The following ADCY3 variants were observed in gnomAD, a reference collection of about 807,000 sequenced individuals.
ADCY3 encodes adenylate cyclase type 3.
In ADCY3, 70 loss-of-function variants were observed where a neutral mutation model predicts 119.4. The observed-to-expected ratio is 0.59, with a 90% CI of 0.48 to 0.72. The LOEUF is 0.72. ADCY3 is among the 30% of genes least tolerant of loss of function. ADCY3 has a pLI of 0.00. For missense variants in ADCY3, 1,238 were observed against 1,541.6 expected (o/e 0.80, Z 3.30); for synonymous variants, 672 against 621.4 (o/e 1.08, Z -1.21).
rs553387671 is a variant in ADCY3, at chr2:24,900,196, C to T, written c.675+18117G>A. Among the ~76,000 whole-genome samples the T allele has an allele frequency of 4.2e-3, 621 of 148,730 alleles. 6 individuals carry two copies. Among genetic ancestry groups the T allele is most frequent in the African/African-American group, 0.015 (594 of 40,762 alleles). ...CGAAATCTCGACTCACTGCAACCTCCGCCTCCCAGGTTCAAGCAATTCTCC... is the reference window on the plus strand; with the variant it reads ...CGAAATCTCGACTCACTGCAACCTCTGCCTCCCAGGTTCAAGCAATTCTCC... On this transcript the variant is annotated intron_variant, in intron 2 of 21. Transcript: ENST00000679454.
chr2:24,902,081 GTTTT>G (rs1327235990), intron 2 of ADCY3, among the ~76,000 whole-genome samples: 3 of 96,000 alleles, frequency 3.1e-5, no homozygotes, highest in African/African-American at 1.3e-4. Flanking sequence ...TGTGTATTTG[GTTTT>G]TTTTTTTTTT....
intron 8 of ADCY3, among the ~76,000 whole-genome samples, chr2:24,838,223 C>A (rs1443228726): frequency 6.6e-6 from 1 of 151,978 alleles, no homozygotes; most frequent in East Asian, 1.9e-4. Context: ...TTGGGATATG[C>A]TTCAGTCACC....
intron 8 of ADCY3, 133 bp from the exon 9 acceptor site, chr2:24,837,178 T>G (rs748991330): frequency 2.6e-5 from 28 of 1,079,516 alleles, no homozygotes; most frequent in Non-Finnish European, 3.4e-5. Flanking sequence ...GCTTGTGGAT[T>G]GCAAAGTGAG....
At position 24,919,066 on chromosome 2, in the gene ADCY3, G is replaced by A; in HGVS notation, c.-79C>T. On this transcript the variant is annotated 5_prime_UTR_variant, in exon 2 of 22. Coordinates refer to ENST00000679454, the MANE Select transcript of ADCY3 (RefSeq NM_004036.5). This position sits in a 1 kb window ranked among gnomAD's most constrained non-coding sequence, Gnocchi z 5.5. ...AGCTCTGGACTGGGCCTCCTCTCAG[G>A]GCTCTCTGAGACCGGGGGAGGGCTG... 3 of 1,391,992 alleles carry A rather than the reference G, an allele frequency of 2.2e-6. No homozygotes were observed. Among genetic ancestry groups the A allele is most frequent in the Non-Finnish European group, 2.9e-6 (3 of 1,049,928 alleles). The allele number at this position is 1,391,992 out of a possible 1,614,324, so 86.2% of individuals were successfully genotyped here.
chr2:24,857,634 C>G (rs1358127664), intron 3 of ADCY3, among the ~76,000 whole-genome samples: 1 of 152,222 alleles, frequency 6.6e-6, no homozygotes, highest in Non-Finnish European at 1.5e-5. Context: ...GTCACAAGTA[C>G]TGTGCCAACT....
Position 24,918,926 on chromosome 2 carries a change from G to C in ADCY3, c.62C>G (p.Ser21Cys). The C allele has an allele frequency of 6.2e-7, 1 of 1,612,082 alleles. No individual in the cohort carries two copies. Among genetic ancestry groups the C allele is most frequent in the East Asian group, 2.2e-5 (1 of 44,852 alleles). ...GTCAGGGTCGGAGGGCAGGCTGACG[G>C]AGTACTCGGCTGAGTACTCGGCCGA... ...EYSAEYSAEY[S>C]VSLPSDPDRG... is the part of the protein sequence containing the mutation. The change falls in exon 2 of 22, where the codon TCC becomes TGC. Residue 21 changes from serine (S) to cysteine (C), a missense_variant. This residue lies in a region of ADCY3 where 227 missense variants were observed against 249.3 expected (regional missense o/e 0.91). Coordinates refer to ENST00000679454, the MANE Select transcript of ADCY3 (RefSeq NM_004036.5). This position sits in a 1 kb window ranked among gnomAD's most constrained non-coding sequence, Gnocchi z 5.4.
chr2:24,891,382 T>C (rs1677634221), intron 2 of ADCY3, among the ~76,000 whole-genome samples: 1 of 152,176 alleles, frequency 6.6e-6, no homozygotes, highest in Admixed American at 6.5e-5. Flanking sequence ...TTGTCCAACA[T>C]ATCCCCACTA....
At chr2:24,820,662 A>C in intron 21 of ADCY3, 62 bp downstream of exon 21, 3 of 1,604,458 alleles carry the variant, frequency 1.9e-6, no homozygotes, top group Non-Finnish European at 2.6e-6. Flanking sequence ...GTGGGAAAGC[A>C]CTGTTCCGGT....
At position 24,898,905 on chromosome 2, in the gene ADCY3, C is replaced by T. The variant is rs115256387; in HGVS notation, c.675+19408G>A. Among the ~76,000 whole-genome samples, 956 of 152,298 alleles carry T rather than the reference C, an allele frequency of 6.3e-3. 9 individuals are homozygous for T. Among genetic ancestry groups the T allele is most frequent in the African/African-American group, 0.022 (908 of 41,550 alleles). The stretch of plus-strand genomic sequence containing the variant: ...CACCGCCAGAGAACTCCAGCGCGGA[C>T]GCCAAGCACGACCACGGCAGGTGAC... On this transcript the variant is annotated intron_variant, in intron 2 of 21. Transcript: ENST00000679454. The surrounding 1 kb of genome is among the most constrained non-coding windows in gnomAD (Gnocchi z 4.3).
chr2:24,854,976 GGA>G (rs750632656), intron 3 of ADCY3, among the ~76,000 whole-genome samples: 1 of 152,140 alleles, frequency 6.6e-6, no homozygotes, highest in African/African-American at 2.4e-5. Context: ...CTTGAACCCG[GGA>G]GAGAGAGGCT....
chr2:24,867,161 G>A (rs1303847010), intron 3 of ADCY3, among the ~76,000 whole-genome samples: 3 of 152,160 alleles, frequency 2.0e-5, no homozygotes, highest in Non-Finnish European at 2.9e-5. Flanking sequence ...CATTGGGAAA[G>A]CAACCACAGG....
At position 24,836,999 on chromosome 2, in the gene ADCY3, G is replaced by C. The variant is rs1304421058; in HGVS notation, c.1580C>G (p.Ala527Gly). The change falls in exon 9 of 22, where the codon GCC becomes GGC. Residue 527 changes from alanine to glycine, a missense_variant. Around this residue, in one of 7 missense-constraint regions of ADCY3, gnomAD observed 499 missense variants for 571.0 expected, o/e 0.87. Coordinates refer to ENST00000679454, the MANE Select transcript of ADCY3 (RefSeq NM_004036.5). ...GTTGGGCTCCTTGGTCTCAATGAGG[G>C]CAGGGGAGCTGGACTTTGAGGAAGC... ...APASSKSSSP[A>G]LIETKEPNGS... 1 of 1,614,134 alleles carries C rather than the reference G, an allele frequency of 6.2e-7. No individual in the cohort carries two copies. The highest frequency in any genetic ancestry group is 8.5e-7 in the Non-Finnish European group (1 of 1,180,032).
intron 6 of ADCY3, among the ~76,000 whole-genome samples, chr2:24,840,973 A>G (rs193014563): frequency 2.4e-4 from 37 of 152,300 alleles, no homozygotes; most frequent in Non-Finnish European, 4.4e-4. Flanking sequence ...AAAATTCACA[A>G]CTGCAACTTC....
chr2:24,905,749 C>A (rs1170570763), intron 2 of ADCY3, among the ~76,000 whole-genome samples: 1 of 152,178 alleles, frequency 6.6e-6, no homozygotes, highest in Non-Finnish European at 1.5e-5. Flanking sequence ...AGAGAAACAG[C>A]CATTTCTAGT....
At chr2:24,881,833 A>T (rs778019970) in intron 2 of ADCY3, among the ~76,000 whole-genome samples, 1 of 151,982 alleles carries the variant, frequency 6.6e-6, no homozygotes, top group Non-Finnish European at 1.5e-5. Flanking sequence ...ACGTTTTGAC[A>T]GTCACGACTA....
In ADCY3 at chr2:24,838,437, G is replaced by A; in HGVS notation, c.1533+8C>T. On this transcript the variant is annotated splice_region_variant and intron_variant, in intron 8 of 21. Coordinates refer to ENST00000679454, the MANE Select transcript of ADCY3 (RefSeq NM_004036.5). ...GGTGGGGTGGGTGGGGTGGGGTGGG[G>A]AACTCACCGAGCCATTGAGGCCATT... 6.2e-7 allele frequency: 1 copy of A among 1,602,774 alleles called. No homozygotes were observed. The highest frequency in any genetic ancestry group is 1.1e-5 in the South Asian group (1 of 90,690).
Position 24,906,916 on chromosome 2 carries a change from A to C in ADCY3, c.675+11397T>G, listed in dbSNP as rs184589736. 2.4e-3 allele frequency among the ~76,000 whole-genome samples: 362 copies of C among 152,204 alleles called. 3 individuals carry two copies. Among genetic ancestry groups the C allele is most frequent in the Non-Finnish European group, 3.8e-3 (259 of 68,000 alleles). ...GAGGCAGAGGCAGGTGGATCACTTG[A>C]GATCAGGAGTTTGAGACCACCCTGG... is the stretch of plus-strand genomic sequence containing the variant. On this transcript the variant is annotated intron_variant, in intron 2 of 21. Coordinates refer to ENST00000679454, the MANE Select transcript of ADCY3 (RefSeq NM_004036.5).
intron 2 of ADCY3, among the ~76,000 whole-genome samples, chr2:24,883,866 T>C (rs762718646): frequency 2.0e-5 from 3 of 152,254 alleles, no homozygotes; most frequent in African/African-American, 4.8e-5. Context: ...TTTGTGGCCA[T>C]GGAACACAGC....
Position 24,918,859 on chromosome 2 carries a change from C to T in ADCY3, c.129G>A (p.Ser43=), listed in dbSNP as rs748964127. Residue 43 remains serine (S), a synonymous_variant, in exon 2 of 22, where the codon TCG becomes TCA. Coordinates refer to ENST00000679454, the MANE Select transcript of ADCY3 (RefSeq NM_004036.5). The surrounding 1 kb of genome is among the most constrained non-coding windows in gnomAD (Gnocchi z 5.4). The part of the protein sequence containing the change: ...GRTHEISVRN[S]GSCLCLPRFM... ...AGCGAGGCAGGCACAGGCAGGAGCC[C>T]GAGTTCCGGACCGAGATTTCATGGG... 1 of 1,613,238 alleles carries T rather than the reference C, an allele frequency of 6.2e-7. No individual in the cohort carries two copies. Among genetic ancestry groups the T allele is most frequent in the Admixed American group, 1.7e-5 (1 of 60,024 alleles).
Sources: allele counts gnomAD v4.1 joint callset (sites outside exome capture counted in the v4.1 genomes callset), GRCh38; gene constraint gnomAD v4.1.1; regional missense constraint gnomAD v4.1.1; non-coding constraint Gnocchi (gnomAD v3.1); transcripts MANE v1.5; gene names NCBI Gene and HGNC (gene_info 2026-07-23, HGNC 2026-07-21).